Variants in RBFOX1 observed in about 807,000 individuals in gnomAD.
The protein encoded by RBFOX1 is RNA binding protein fox-1 homolog 1.
Under a neutral mutation model 57.7 loss-of-function variants are expected in RBFOX1, and 8 were observed. That is an observed-to-expected ratio of 0.14 (90% CI 0.08 to 0.25). The LOEUF (loss-of-function observed/expected upper bound fraction) is 0.25, where lower values mean the gene tolerates loss of function less well. Ranked by LOEUF, RBFOX1 falls within the 10% of genes least tolerant of loss-of-function variation. RBFOX1 has a pLI of 1.00. For synonymous variants in RBFOX1, 326 were observed against 222.4 expected, an observed-to-expected ratio of 1.47 and a Z score of -4.15; for missense variants, 611 against 548.5, an observed-to-expected ratio of 1.11 and a Z score of -1.14.
intron 1 of RBFOX1, among the ~76,000 whole-genome samples, chr16:5,387,478 C>G (rs560813898): frequency 2.6e-5 from 4 of 152,214 alleles, no homozygotes; most frequent in African/African-American, 9.6e-5. Context: ...AGTGTGGCTA[C>G]TGCTGCTCCA....
chr16:5,464,711 A>G (rs1228020649), intron 1 of RBFOX1, among the ~76,000 whole-genome samples: 1 of 152,180 alleles, frequency 6.6e-6, no homozygotes, highest in East Asian at 1.9e-4. Flanking sequence ...GGATGGCAAG[A>G]AGCAAAGAAA....
chr16:6,668,629 A>G (rs2098746728), intron 3 of RBFOX1, among the ~76,000 whole-genome samples: 1 of 152,188 alleles, frequency 6.6e-6, no homozygotes, highest in South Asian at 2.1e-4. Context: ...AGCAATTCAC[A>G]TGATGTCATC....
chr16:7,642,474 T>C (rs1188827777), intron 11 of RBFOX1, among the ~76,000 whole-genome samples: 3 of 152,110 alleles, frequency 2.0e-5, no homozygotes, highest in Non-Finnish European at 4.4e-5. Context: ...TCTGAAGGCT[T>C]CATGTTCAGG....
chr16:6,893,712 T>C (rs1216436142), intron 3 of RBFOX1, among the ~76,000 whole-genome samples: 2 of 152,200 alleles, frequency 1.3e-5, no homozygotes, highest in Non-Finnish European at 2.9e-5. Flanking sequence ...ATCTTTTCAG[T>C]GTAATTTGTG....
chr16:6,398,784 C>A (rs1052296475), intron 2 of RBFOX1, among the ~76,000 whole-genome samples: 1 of 152,186 alleles, frequency 6.6e-6, no homozygotes, highest in Non-Finnish European at 1.5e-5. Context: ...TCCAGGTGCA[C>A]AGTCCAGGCT....
At chr16:5,594,393 G>A (rs1193959205) in intron 2 of RBFOX1, among the ~76,000 whole-genome samples, 1 of 152,130 alleles carries the variant, frequency 6.6e-6, no homozygotes, top group East Asian at 1.9e-4. Context: ...ATTTTTCCAG[G>A]GTTGAGGACA....
rs532506885 is a variant in RBFOX1 at position 7,549,313 on chromosome 16, A to C, written c.271-30464A>C. 3.3e-5 allele frequency among the ~76,000 whole-genome samples: 5 copies of C among 152,320 alleles called. No individual in the cohort carries two copies. The East Asian group carries it at 9.7e-4, about 29-fold the overall frequency. ...AATAAGCAAAGAAGTGTTTGAAATG[A>C]GGTTATAAAGGTAGGTAGGGCCATG... On this transcript the variant is annotated intron_variant, in intron 5 of 15. Coordinates refer to ENST00000550418, the MANE Select transcript of RBFOX1 (RefSeq NM_018723.4).
intron 4 of RBFOX1, among the ~76,000 whole-genome samples, chr16:5,952,932 A>G (rs558846925): frequency 6.6e-6 from 1 of 152,064 alleles, no homozygotes; most frequent in Non-Finnish European, 1.5e-5. Flanking sequence ...CTTTTTATTT[A>G]ATTTGCTTTG....
intron 2 of RBFOX1, among the ~76,000 whole-genome samples, chr16:6,435,254 T>C (rs754518705): frequency 4.6e-5 from 7 of 152,156 alleles, no homozygotes; most frequent in Admixed American, 2.0e-4. Flanking sequence ...ATGTTTTGTG[T>C]CATTGCTAGC....
chr16:5,593,706 G>A (rs141750616), intron 2 of RBFOX1, among the ~76,000 whole-genome samples: 4 of 152,152 alleles, frequency 2.6e-5, no homozygotes, highest in African/African-American at 4.8e-5. Flanking sequence ...CTTGTTTTGC[G>A]TATCAAGAAA....
At chr16:7,376,876 C>G (rs1010618424) in intron 4 of RBFOX1, among the ~76,000 whole-genome samples, 1 of 152,100 alleles carries the variant, frequency 6.6e-6, no homozygotes, top group Non-Finnish European at 1.5e-5. Flanking sequence ...AACTTCCCTA[C>G]CAGTGTCTGG....
At chr16:5,875,558 A>G (rs1328833665) in intron 4 of RBFOX1, among the ~76,000 whole-genome samples, 4 of 152,238 alleles carry the variant, frequency 2.6e-5, no homozygotes, top group Non-Finnish European at 5.9e-5. Context: ...GTGCGTAAGT[A>G]GTCCATAATA....
intron 3 of RBFOX1, among the ~76,000 whole-genome samples, chr16:5,696,733 C>T (rs931166022): frequency 1.3e-5 from 2 of 152,082 alleles, no homozygotes; most frequent in Non-Finnish European, 2.9e-5. Context: ...TATGATATTG[C>T]CTTCCCATCT....
At chr16:5,753,635 G>A (rs1258421520) in intron 3 of RBFOX1, among the ~76,000 whole-genome samples, 1 of 152,144 alleles carries the variant, frequency 6.6e-6, no homozygotes, top group African/African-American at 2.4e-5. Context: ...TGTCATATTG[G>A]CAGCTAGAAA....
intron 4 of RBFOX1, among the ~76,000 whole-genome samples, chr16:7,149,501 T>TA (rs1555511828): frequency 0.058 from 6,759 of 117,422 alleles, 178 homozygotes; most frequent in East Asian, 0.11. Flanking sequence ...TTTTTTTTTT[T>TA]TCCCCGACAG....
chr16:6,663,615 G>A (rs1005493189), intron 3 of RBFOX1, among the ~76,000 whole-genome samples: 6 of 152,208 alleles, frequency 3.9e-5, no homozygotes, highest in South Asian at 2.1e-4. Context: ...AGAGGCTGCT[G>A]TGAGCGCCCA....
At chr16:6,315,104 T>G (rs764482788) in intron 1 of RBFOX1, among the ~76,000 whole-genome samples, 5 of 152,260 alleles carry the variant, frequency 3.3e-5, no homozygotes, top group Non-Finnish European at 7.3e-5. Flanking sequence ...CAATGCTACT[T>G]GTTTTACAAA....
At chr16:6,268,830 G>C (rs1340755920) in intron 1 of RBFOX1, among the ~76,000 whole-genome samples, 1 of 152,168 alleles carries the variant, frequency 6.6e-6, no homozygotes, top group Admixed American at 6.5e-5. Flanking sequence ...TCCTCCAACA[G>C]AGAACAAACA....
intron 4 of RBFOX1, among the ~76,000 whole-genome samples, chr16:7,127,397 A>G (rs1361831408): frequency 6.6e-6 from 1 of 152,190 alleles, no homozygotes; most frequent in Non-Finnish European, 1.5e-5. Context: ...ACTTATTATC[A>G]CCCTATGCAC....
Sources: gnomAD v4.1 joint callset for allele counts (sites outside exome capture counted in the v4.1 genomes callset) on GRCh38, gnomAD v4.1.1 for gene constraint, MANE v1.5 for transcripts, NCBI Gene and HGNC (gene_info 2026-07-23, HGNC 2026-07-21) for gene names.